Variants in STARD13 observed in about 807,000 individuals in gnomAD.
The protein encoded by STARD13 is StAR related lipid transfer domain containing 13.
Under a neutral mutation model 106.4 loss-of-function variants are expected in STARD13, and 62 were observed. That is an observed-to-expected ratio of 0.58 (90% CI 0.48 to 0.72). STARD13 has a LOEUF of 0.72. Ranked by LOEUF, STARD13 falls within the 30% of genes least tolerant of loss-of-function variation. STARD13 has a pLI of 0.00. For missense variants in STARD13, 1,387 were observed against 1,424.0 expected, an observed-to-expected ratio of 0.97 and a Z score of 0.42; for synonymous variants, 565 against 553.0, an observed-to-expected ratio of 1.02 and a Z score of -0.31.
chr13:33,182,876 C>T (rs904577732), intron 1 of STARD13, among the ~76,000 whole-genome samples: 2 of 152,218 alleles, frequency 1.3e-5, no homozygotes, highest in Admixed American at 6.5e-5. Flanking sequence ...AGTACCAGCC[C>T]ATCACCACGG....
the STARD13 span, among the ~76,000 whole-genome samples, chr13:33,400,714 T>C: frequency 2.0e-4 from 30 of 152,196 alleles, no homozygotes; most frequent in Non-Finnish European, 3.4e-4. Context: ...CCGCCCGCCT[T>C]GGCCTCCCAA....
At chr13:33,391,376 G>A in the STARD13 span, among the ~76,000 whole-genome samples, 2 of 152,116 alleles carry the variant, frequency 1.3e-5, no homozygotes, top group Non-Finnish European at 2.9e-5. Context: ...TTTTAAAATC[G>A]GATTCAAGGT....
chr13:33,170,462 C>T (rs891932817), intron 1 of STARD13, among the ~76,000 whole-genome samples: 1 of 152,128 alleles, frequency 6.6e-6, no homozygotes, highest in African/African-American at 2.4e-5. Context: ...ACATGGATAA[C>T]GAACTGAAAT....
the STARD13 span, among the ~76,000 whole-genome samples, chr13:33,641,231 T>C: frequency 1.3e-5 from 2 of 152,122 alleles, no homozygotes; most frequent in South Asian, 4.2e-4. Flanking sequence ...AGTCAGATCA[T>C]TTCCTTTCTT....
the STARD13 span, among the ~76,000 whole-genome samples, chr13:33,573,990 A>G: frequency 6.6e-6 from 1 of 152,218 alleles, no homozygotes; most frequent in Non-Finnish European, 1.5e-5. Context: ...GATAAAATTA[A>G]AAAGAAAGCT....
At chr13:33,331,526 A>ACTTTTTTT (rs747776678) in intron 1 of STARD13, among the ~76,000 whole-genome samples, 2 of 130,828 alleles carry the variant, frequency 1.5e-5, no homozygotes, top group Non-Finnish European at 3.2e-5. Context: ...CTGATTTTGT[A>ACTTTTTTT]TTTTTTTTTT....
At chr13:33,226,089 G>A (rs1204617093) in intron 1 of STARD13, among the ~76,000 whole-genome samples, 2 of 152,214 alleles carry the variant, frequency 1.3e-5, no homozygotes, top group African/African-American at 2.4e-5. Flanking sequence ...CCATCTGCAA[G>A]CCAGGCATAG....
intron 1 of STARD13, among the ~76,000 whole-genome samples, chr13:33,313,819 T>C (rs1893229515): frequency 1.3e-5 from 2 of 152,206 alleles, no homozygotes; most frequent in Admixed American, 1.3e-4. Context: ...CATAGCTACC[T>C]GACCTTTTTT....
chr13:33,426,373 G>C, the STARD13 span, among the ~76,000 whole-genome samples: 2 of 152,052 alleles, frequency 1.3e-5, no homozygotes, highest in African/African-American at 4.8e-5. Flanking sequence ...ATCTAATCTT[G>C]ACTTTAATTA....
At chr13:33,347,489 T>C (rs1419011675), downstream of STARD13, among the ~76,000 whole-genome samples, 2 of 152,116 alleles carry the variant, frequency 1.3e-5, no homozygotes, top group Admixed American at 6.5e-5. Context: ...TCAAGTGATC[T>C]GCCCGCCTTG....
the STARD13 span, among the ~76,000 whole-genome samples, chr13:33,672,828 C>A: frequency 5.9e-5 from 9 of 152,196 alleles, no homozygotes; most frequent in East Asian, 1.5e-3. Flanking sequence ...AACATGCTAT[C>A]CATCTACAGG....
At chr13:33,192,639 C>T (rs528261736) in intron 1 of STARD13, among the ~76,000 whole-genome samples, 10 of 152,298 alleles carry the variant, frequency 6.6e-5, no homozygotes, top group African/African-American at 2.4e-4. Context: ...TGGCTCATGC[C>T]TGTAATCTCA....
intron 1 of STARD13, among the ~76,000 whole-genome samples, chr13:33,193,996 G>A (rs1004540271): frequency 9.0e-5 from 13 of 144,746 alleles, no homozygotes; most frequent in African/African-American, 3.1e-4. Context: ...TTAAGCTGAG[G>A]TTTTCAGGTT....
chr13:33,645,703 C>T, the STARD13 span, among the ~76,000 whole-genome samples: 1 of 152,100 alleles, frequency 6.6e-6, no homozygotes, highest in Non-Finnish European at 1.5e-5. Flanking sequence ...GGTGTTGGCC[C>T]TCAGTTCTAT....
chr13:33,165,686 T>C (rs964312784), intron 2 of STARD13, among the ~76,000 whole-genome samples: 3 of 152,220 alleles, frequency 2.0e-5, no homozygotes, highest in African/African-American at 7.2e-5. Flanking sequence ...AGCTCATCCT[T>C]ATTACAGTCT....
the STARD13 span, among the ~76,000 whole-genome samples, chr13:33,477,052 A>G: frequency 1.3e-5 from 2 of 152,356 alleles, no homozygotes; most frequent in Admixed American, 6.5e-5. Context: ...AAATTAGTTC[A>G]GGTATTCCAA....
At chr13:33,133,734 T>G (rs1878667012) in intron 4 of STARD13, among the ~76,000 whole-genome samples, 1 of 152,222 alleles carries the variant, frequency 6.6e-6, no homozygotes, top group Non-Finnish European at 1.5e-5. Flanking sequence ...TTAGCCTATT[T>G]TATTTTTTTA....
At chr13:33,211,272 T>A (rs1377055575) in intron 1 of STARD13, among the ~76,000 whole-genome samples, 1 of 151,754 alleles carries the variant, frequency 6.6e-6, no homozygotes, top group Non-Finnish European at 1.5e-5. Flanking sequence ...AAAAATATTT[T>A]AATGATACCA....
chr13:33,499,925 C>T, the STARD13 span, among the ~76,000 whole-genome samples: 5 of 151,534 alleles, frequency 3.3e-5, no homozygotes, highest in Admixed American at 6.6e-5. Context: ...CTGCTGTGCC[C>T]AGCAAATTTT....
Sources: gnomAD v4.1 joint callset for allele counts (sites outside exome capture counted in the v4.1 genomes callset) on GRCh38, gnomAD v4.1.1 for gene constraint, MANE v1.5 for transcripts, NCBI Gene and HGNC (gene_info 2026-07-23, HGNC 2026-07-21) for gene names.